The following SPAG16 variants were observed in gnomAD, a reference collection of about 807,000 sequenced individuals.
The protein encoded by SPAG16 is sperm associated antigen 16.
A neutral mutation model predicts 80.4 loss-of-function variants in SPAG16; 86 were observed. The ratio of observed to expected loss-of-function variants is 1.07; its 90% CI spans 0.90 to 1.28. SPAG16 has a LOEUF of 1.28. Among genes scored for constraint, SPAG16 ranks in the 50% most tolerant of loss-of-function variants. The pLI is 0.00. For missense variants in SPAG16, 870 were observed against 765.3 expected, an observed-to-expected ratio of 1.14 and a Z score of -1.61; for synonymous variants, 294 against 265.9, an observed-to-expected ratio of 1.11 and a Z score of -1.03.
intron 15 of SPAG16, among the ~76,000 whole-genome samples, chr2:214,234,419 G>A (rs1384721088): frequency 2.0e-5 from 3 of 152,084 alleles, no homozygotes; most frequent in Non-Finnish European, 2.9e-5. Context: ...TGGGATTGCT[G>A]GGTCAAATGC....
intron 15 of SPAG16, among the ~76,000 whole-genome samples, chr2:214,179,823 C>A (rs2057252088): frequency 6.6e-6 from 1 of 151,414 alleles, no homozygotes; most frequent in Non-Finnish European, 1.5e-5. Context: ...AATTTAATTT[C>A]AAATCATACT....
intron 15 of SPAG16, among the ~76,000 whole-genome samples, chr2:214,163,796 A>G (rs1057086074): frequency 1.3e-5 from 2 of 151,904 alleles, no homozygotes; most frequent in Non-Finnish European, 2.9e-5. Flanking sequence ...GGTAGTATAG[A>G]AGCAGAATTC....
chr2:213,304,239 T>C (rs144261192), intron 3 of SPAG16, among the ~76,000 whole-genome samples: 2 of 152,258 alleles, frequency 1.3e-5, no homozygotes, highest in South Asian at 4.1e-4. Context: ...TTTTTTTCTT[T>C]AGAGTTGTTT....
chr2:214,016,679 G>T (rs2047607868), intron 13 of SPAG16, among the ~76,000 whole-genome samples: 1 of 152,092 alleles, frequency 6.6e-6, no homozygotes, highest in African/African-American at 2.4e-5. Flanking sequence ...GAAAATGTAG[G>T]AAAGAGAAAA....
At chr2:214,266,861 A>T (rs1691612623) in intron 15 of SPAG16, among the ~76,000 whole-genome samples, 1 of 151,836 alleles carries the variant, frequency 6.6e-6, no homozygotes. Flanking sequence ...GGAATAAAAT[A>T]CTTAGGAGTC....
At chr2:214,292,576 T>A (rs995709831) in intron 15 of SPAG16, among the ~76,000 whole-genome samples, 1 of 152,204 alleles carries the variant, frequency 6.6e-6, no homozygotes, top group Non-Finnish European at 1.5e-5. Context: ...TTCTCTGTAT[T>A]GCTTTAATCA....
chr2:213,387,691 T>A (rs2067520371), intron 9 of SPAG16, among the ~76,000 whole-genome samples: 1 of 151,498 alleles, frequency 6.6e-6, no homozygotes, highest in Non-Finnish European at 1.5e-5. Context: ...CCTGACCTCG[T>A]GATCCGCCCG....
chr2:213,527,873 A>G (rs1442646013), intron 10 of SPAG16, among the ~76,000 whole-genome samples: 1 of 152,218 alleles, frequency 6.6e-6, no homozygotes, highest in African/African-American at 2.4e-5. Flanking sequence ...AGTTTTCTAA[A>G]ATACATTCAC....
intron 15 of SPAG16, among the ~76,000 whole-genome samples, chr2:214,284,526 A>C (rs181095887): frequency 6.6e-6 from 1 of 152,346 alleles, no homozygotes; most frequent in East Asian, 1.9e-4. Context: ...CCTATCAAAG[A>C]ACTACAGGTA....
intron 14 of SPAG16, among the ~76,000 whole-genome samples, chr2:214,129,557 T>C (rs2054658422): frequency 6.6e-6 from 1 of 152,188 alleles, no homozygotes. Context: ...TATGCAATTG[T>C]AATAATAATA....
intron 10 of SPAG16, among the ~76,000 whole-genome samples, chr2:213,721,329 C>T (rs1376828013): frequency 1.3e-5 from 2 of 151,186 alleles, no homozygotes; most frequent in Admixed American, 6.6e-5. Flanking sequence ...GAACTCCTGA[C>T]CTCAAGTGAT....
intron 12 of SPAG16, among the ~76,000 whole-genome samples, chr2:213,969,991 C>A (rs1404983392): frequency 8.5e-5 from 13 of 152,134 alleles, no homozygotes; most frequent in Admixed American, 7.9e-4. Context: ...AGTCTAAGAT[C>A]AAGACACCAG....
chr2:213,419,209 C>CAAT (rs2069445804), intron 9 of SPAG16, among the ~76,000 whole-genome samples: 2 of 152,098 alleles, frequency 1.3e-5, no homozygotes, highest in Admixed American at 1.3e-4. Context: ...TGTCTCTGAA[C>CAAT]AATAACTCCT....
chr2:214,170,570 G>T (rs1430418793), intron 15 of SPAG16, among the ~76,000 whole-genome samples: 1 of 152,012 alleles, frequency 6.6e-6, no homozygotes. Context: ...ATTCAGAGAA[G>T]ATAATAAAAC....
intron 10 of SPAG16, among the ~76,000 whole-genome samples, chr2:213,833,576 TA>T (rs1553640561): frequency 5.0e-5 from 1 of 20,018 alleles, no homozygotes; most frequent in Non-Finnish European, 9.7e-5. Context: ...AATATATATA[TA>T]ATATATATAT....
intron 13 of SPAG16, among the ~76,000 whole-genome samples, chr2:214,062,088 T>C (rs1457850570): frequency 6.6e-6 from 1 of 151,930 alleles, no homozygotes; most frequent in East Asian, 1.9e-4. Flanking sequence ...AGCATTTCTA[T>C]TGTGATCTTT....
Position 213,762,115 on chromosome 2 carries a change from C to T in SPAG16, c.1071-100370C>T, listed in dbSNP as rs2068697273. Among the ~76,000 whole-genome samples the T allele has an allele frequency of 2.0e-5, 3 of 152,228 alleles. No homozygotes were observed. The South Asian group carries it at 6.2e-4, about 32-fold the overall frequency. On this transcript the variant is annotated intron_variant, in intron 10 of 15. Transcript: ENST00000331683. ...GAAGAAAAAACACACATGATTATCT[C>T]AATTGCAGAAGAAAAAGTATTTGAC...
intron 10 of SPAG16, among the ~76,000 whole-genome samples, chr2:213,774,545 TA>T (rs1426367945): frequency 1.3e-5 from 2 of 152,226 alleles, no homozygotes; most frequent in African/African-American, 4.8e-5. Flanking sequence ...GCAATGGTGT[TA>T]TTTCCAAATA....
At chr2:213,923,313 C>A (rs1239918434) in intron 11 of SPAG16, among the ~76,000 whole-genome samples, 2 of 152,236 alleles carry the variant, frequency 1.3e-5, no homozygotes, top group East Asian at 3.9e-4. Flanking sequence ...GCATTGCCTA[C>A]CTGGCTGCCA....
Sources: allele counts gnomAD v4.1 joint callset (sites outside exome capture counted in the v4.1 genomes callset), GRCh38; gene constraint gnomAD v4.1.1; transcripts MANE v1.5; gene names NCBI Gene and HGNC (gene_info 2026-07-23, HGNC 2026-07-21).